The following AKT3 variants were observed in gnomAD, a reference collection of about 807,000 sequenced individuals.
AKT3 encodes the protein AKT serine/threonine kinase 3, also known as RAC-gamma serine/threonine-protein kinase.
A neutral mutation model predicts 65.3 loss-of-function variants in AKT3; 15 were observed. The observed-to-expected ratio is 0.23, with a 90% CI of 0.15 to 0.35. The LOEUF is 0.35. Among genes scored for constraint, AKT3 ranks in the 10% least tolerant of loss-of-function variants. AKT3 has a pLI of 1.00. For missense variants in AKT3, 243 were observed against 576.5 expected, an observed-to-expected ratio of 0.42 and a Z score of 5.92; for synonymous variants, 206 against 183.8, an observed-to-expected ratio of 1.12 and a Z score of -0.98.
intron 8 of AKT3, among the ~76,000 whole-genome samples, chr1:243,594,638 T>C (rs1676469596): frequency 6.6e-6 from 1 of 152,096 alleles, no homozygotes; most frequent in Non-Finnish European, 1.5e-5. Context: ...TGCTGTGTTG[T>C]CCAGTCTGCA....
At chr1:243,795,107 G>A (rs1437163188) in intron 2 of AKT3, among the ~76,000 whole-genome samples, 1 of 149,620 alleles carries the variant, frequency 6.7e-6, no homozygotes, top group Non-Finnish European at 1.5e-5. Flanking sequence ...AGTGTTCCAA[G>A]TATCACTCCC....
intron 2 of AKT3, among the ~76,000 whole-genome samples, chr1:243,803,944 C>A (rs894195247): frequency 2.6e-5 from 4 of 152,158 alleles, no homozygotes; most frequent in African/African-American, 9.7e-5. Context: ...AGACAGTGAG[C>A]CGTGATGACG....
At chr1:243,826,324 T>A (rs1291780068) in intron 2 of AKT3, among the ~76,000 whole-genome samples, 6 of 152,186 alleles carry the variant, frequency 3.9e-5, no homozygotes, top group Non-Finnish European at 8.8e-5. Context: ...AAACATTAGT[T>A]ACATTTGCCA....
intron 9 of AKT3, among the ~76,000 whole-genome samples, chr1:243,569,949 G>A (rs982382694): frequency 6.6e-6 from 1 of 152,148 alleles, no homozygotes; most frequent in African/African-American, 2.4e-5. Context: ...GAAATTTTGG[G>A]CAATCATGAA....
intron 12 of AKT3, among the ~76,000 whole-genome samples, chr1:243,536,117 G>A (rs1671908327): frequency 6.6e-6 from 1 of 152,028 alleles, no homozygotes; most frequent in African/African-American, 2.4e-5. Flanking sequence ...TAAGATTCTG[G>A]GTATTAGCCC....
At chr1:243,672,370 T>C (rs765623587) in intron 3 of AKT3, among the ~76,000 whole-genome samples, 1 of 152,206 alleles carries the variant, frequency 6.6e-6, no homozygotes, top group Admixed American at 6.5e-5. Flanking sequence ...AATGGAAAAG[T>C]GATCTGCAGA....
In AKT3 at chr1:243,674,338, G is replaced by A. The variant is rs147797147; in HGVS notation, c.173-9455C>T. Among the ~76,000 whole-genome samples the A allele has an allele frequency of 6.6e-5, 10 of 151,952 alleles. No homozygotes were observed. In the East Asian group the frequency reaches 1.2e-3, roughly 18 times the overall value. On this transcript the variant is annotated intron_variant, in intron 3 of 13. Coordinates refer to ENST00000673466, the MANE Select transcript of AKT3 (RefSeq NM_005465.7). Reference sequence around the variant, plus strand: ...ATGAAGAGATGACACTGTCACCACCGTAACCCAGTGAACAATGATAGCATT... The same window carrying A: ...ATGAAGAGATGACACTGTCACCACCATAACCCAGTGAACAATGATAGCATT...
chr1:243,546,305 G>A (rs559904496), intron 11 of AKT3, among the ~76,000 whole-genome samples: 2 of 152,148 alleles, frequency 1.3e-5, no homozygotes, highest in African/African-American at 4.8e-5. Flanking sequence ...TTTCTTCATA[G>A]CAGAATGAAA....
chr1:243,588,328 G>A (rs1675953421), intron 8 of AKT3, among the ~76,000 whole-genome samples: 1 of 152,188 alleles, frequency 6.6e-6, no homozygotes, highest in Non-Finnish European at 1.5e-5. Context: ...AGAGCTGAGA[G>A]ACATTCAATT....
At chr1:243,751,669 GA>G (rs1028033235) in intron 2 of AKT3, among the ~76,000 whole-genome samples, 2 of 152,070 alleles carry the variant, frequency 1.3e-5, no homozygotes, top group Non-Finnish European at 2.9e-5. Context: ...ATGCAGCCTG[GA>G]AAAAGCATTC....
chr1:243,817,241 C>T (rs1693584772), intron 2 of AKT3, among the ~76,000 whole-genome samples: 2 of 152,086 alleles, frequency 1.3e-5, no homozygotes, highest in Admixed American at 6.6e-5. Context: ...CCAAGAGAAC[C>T]ATGGACTCAA....
At chr1:243,801,197 C>A (rs968326626) in intron 2 of AKT3, among the ~76,000 whole-genome samples, 3 of 151,750 alleles carry the variant, frequency 2.0e-5, no homozygotes, top group African/African-American at 4.8e-5. Context: ...AGGGCCTATC[C>A]CATAATGAGT....
At position 243,683,203 on chromosome 1, in the gene AKT3, G is replaced by A. The variant is rs1007975821; in HGVS notation, c.172+12388C>T. Among the ~76,000 whole-genome samples the A allele has an allele frequency of 5.9e-5, 9 of 152,114 alleles. No individual in the cohort carries two copies. The South Asian group carries it at 1.7e-3, about 28-fold the overall frequency. ...TGGGGAGCATAATACTTACCTCACA[G>A]TGTTGTTGTGAAGATAAAATGAGAA... On this transcript the variant is annotated intron_variant, in intron 3 of 13. Transcript: ENST00000673466.
At position 243,813,077 on chromosome 1, in the gene AKT3, A is replaced by G. The variant is rs867526804; in HGVS notation, c.46+30048T>C. Among the ~76,000 whole-genome samples the G allele has an allele frequency of 9.2e-5, 14 of 151,794 alleles. No homozygotes were observed. In the South Asian group the frequency reaches 1.0e-3, roughly 11 times the overall value. On this transcript the variant is annotated intron_variant, in intron 2 of 13. Coordinates refer to ENST00000673466, the MANE Select transcript of AKT3 (RefSeq NM_005465.7). ...TAGCATTAGGAGATATATCTAATGTAAATGACGAGTTAATGGGTGCAGCAC... is the reference window on the plus strand; with the variant it reads ...TAGCATTAGGAGATATATCTAATGTGAATGACGAGTTAATGGGTGCAGCAC...
chr1:243,774,971 T>TC (rs1690450609), intron 2 of AKT3, among the ~76,000 whole-genome samples: 1 of 152,120 alleles, frequency 6.6e-6, no homozygotes, highest in African/African-American at 2.4e-5. Flanking sequence ...CAATGGATCC[T>TC]CCCACCTCAG....
intron 8 of AKT3, among the ~76,000 whole-genome samples, chr1:243,581,021 G>A (rs2199018): frequency 6.6e-6 from 1 of 152,098 alleles, no homozygotes; most frequent in Non-Finnish European, 1.5e-5. Context: ...CCATGCTCTA[G>A]GCATCTTGAG....
At chr1:243,774,636 ACCACTACAG>A (rs1289286947) in intron 2 of AKT3, among the ~76,000 whole-genome samples, 1 of 152,174 alleles carries the variant, frequency 6.6e-6, no homozygotes, top group East Asian at 1.9e-4. Flanking sequence ...TATCTTTTTA[ACCACTACAG>A]CCAAAGAAAA....
At chr1:243,562,479 C>A (rs1360153931) in intron 10 of AKT3, among the ~76,000 whole-genome samples, 1 of 152,124 alleles carries the variant, frequency 6.6e-6, no homozygotes, top group Non-Finnish European at 1.5e-5. Context: ...ATGAATTGTA[C>A]TCCAATTATA....
chr1:243,625,972 A>T (rs1387906034), intron 6 of AKT3, among the ~76,000 whole-genome samples: 1 of 152,174 alleles, frequency 6.6e-6, no homozygotes, highest in African/African-American at 2.4e-5. Flanking sequence ...CCCTCCTTTA[A>T]ATGCCAAGTG....
Sources: allele counts gnomAD v4.1 joint callset (sites outside exome capture counted in the v4.1 genomes callset), GRCh38; gene constraint gnomAD v4.1.1; transcripts MANE v1.5; gene names NCBI Gene and HGNC (gene_info 2026-07-23, HGNC 2026-07-21).